TNRC6B: variants seen among roughly 807,000 people sequenced by gnomAD.
The protein encoded by TNRC6B is trinucleotide repeat containing adaptor 6B, also known as trinucleotide repeat-containing gene 6B protein.
In TNRC6B, 52 loss-of-function variants were observed where a neutral mutation model predicts 203.6. The ratio of observed to expected loss-of-function variants is 0.26; its 90% CI spans 0.20 to 0.32. The LOEUF (loss-of-function observed/expected upper bound fraction) is 0.32, where lower values mean the gene tolerates loss of function less well. Among genes scored for constraint, TNRC6B ranks in the 10% least tolerant of loss-of-function variants. The pLI is 1.00. For synonymous variants in TNRC6B, 838 were observed against 845.7 expected (o/e 0.99, Z 0.16); for missense variants, 1,923 against 2,286.2 (o/e 0.84, Z 3.24).
chr22:40,209,517 A>G (rs2069531232), intron 1 of TNRC6B, among the ~76,000 whole-genome samples: 2 of 152,322 alleles, frequency 1.3e-5, no homozygotes, highest in East Asian at 1.9e-4. Context: ...ACCTCGGTTC[A>G]GGACATGGTG....
At chr22:40,130,286 T>C (rs1266501792) in intron 3 of TNRC6B, among the ~76,000 whole-genome samples, 2 of 152,116 alleles carry the variant, frequency 1.3e-5, no homozygotes, top group Non-Finnish European at 2.9e-5. Context: ...CTGACTCTTG[T>C]TTAATGGCGG....
At chr22:40,222,726 CTCTTTTTTTTTTTTT>C (rs1569027054) in intron 1 of TNRC6B, among the ~76,000 whole-genome samples, 1 of 79,072 alleles carries the variant, frequency 1.3e-5, no homozygotes, top group African/African-American at 4.6e-5. Flanking sequence ...CTCTCTCTCT[CTCTTTTTTTTTTTTT>C]TTTTTTTTTT....
Position 40,065,287 on chromosome 22 carries a change from C to G in TNRC6B, c.-121+20289C>G, listed in dbSNP as rs139861550. 7.4e-3 allele frequency among the ~76,000 whole-genome samples: 1,120 copies of G among 152,140 alleles called. 50 individuals are homozygous for G. The highest frequency in any genetic ancestry group is 0.063 in the Admixed American group (962 of 15,282). On this transcript the variant is annotated intron_variant, in intron 1 of 23. Coordinates refer to the TNRC6B transcript ENST00000301923. ...TCAGCCTTCTGAGTAGCTAAGACTA[C>G]AGGTGTGTACCACCACACCCAGCTA...
intron 1 of TNRC6B, among the ~76,000 whole-genome samples, chr22:40,219,779 C>G (rs773816537): frequency 6.6e-6 from 1 of 152,202 alleles, no homozygotes; most frequent in African/African-American, 2.4e-5. Flanking sequence ...TCCCCGTCCT[C>G]TCTACATTCT....
At chr22:40,244,195 GT>G (rs2070072174) in intron 1 of TNRC6B, among the ~76,000 whole-genome samples, 1 of 152,164 alleles carries the variant, frequency 6.6e-6, no homozygotes, top group Non-Finnish European at 1.5e-5. Context: ...TCTTACCAGT[GT>G]TTGTAAATCC....
chr22:40,179,323 C>A (rs954107682), intron 1 of TNRC6B, among the ~76,000 whole-genome samples: 1 of 152,028 alleles, frequency 6.6e-6, no homozygotes, highest in East Asian at 1.9e-4. Context: ...TGTGATGTGG[C>A]GGGTAAATTG....
intron 1 of TNRC6B, among the ~76,000 whole-genome samples, chr22:40,058,622 G>T (rs941618027): frequency 6.6e-6 from 1 of 152,154 alleles, no homozygotes; most frequent in Non-Finnish European, 1.5e-5. Context: ...CAGACCTTGG[G>T]CTTATCATTC....
At position 40,315,480 on chromosome 22, in the gene TNRC6B, G is replaced by A. The variant is rs2071245081; in HGVS notation, c.4876G>A (p.Gly1626Arg). 6.2e-7 allele frequency: 1 copy of A among 1,613,978 alleles called. No individual in the cohort carries two copies. The highest frequency in any genetic ancestry group is 8.5e-7 in the Non-Finnish European group (1 of 1,179,892). The change falls in exon 20 of 23, where the codon GGG (glycine) becomes AGG (arginine). Residue 1626 changes from glycine to arginine, a missense_variant. Gly to Arg is a moderately radical substitution (Grantham distance 125). Around this residue, in one of 8 missense-constraint regions of TNRC6B, gnomAD observed 159 missense variants for 181.0 expected, o/e 0.88. Transcript: ENST00000454349. ...STAPRSVRGW[G>R]TQDSRLASAS... is the part of the protein sequence containing the mutation. ...AGCACCCCGATCAGTCAGGGGGTGG[G>A]GGACACAGGACTCACGGCTCGCCTC...
intron 3 of TNRC6B, among the ~76,000 whole-genome samples, chr22:40,253,436 A>G (rs911939163): frequency 6.6e-6 from 1 of 151,776 alleles, no homozygotes; most frequent in Non-Finnish European, 1.5e-5. Flanking sequence ...TACCAGACCT[A>G]TTCTCAAACA....
At chr22:40,133,541 G>T (rs906856911) in intron 3 of TNRC6B, among the ~76,000 whole-genome samples, 13 of 152,132 alleles carry the variant, frequency 8.5e-5, no homozygotes, top group African/African-American at 3.1e-4. Flanking sequence ...CTTTCTGGAA[G>T]GAAGTCCACA....
At chr22:40,060,319 C>CA (rs2067839298) in intron 1 of TNRC6B, among the ~76,000 whole-genome samples, 1 of 151,950 alleles carries the variant, frequency 6.6e-6, no homozygotes, top group African/African-American at 2.4e-5. Flanking sequence ...TTCCTGAGTT[C>CA]AGGTGTGTGC....
intron 3 of TNRC6B, among the ~76,000 whole-genome samples, chr22:40,153,744 A>G (rs1360754158): frequency 6.6e-6 from 1 of 151,664 alleles, no homozygotes; most frequent in Admixed American, 6.6e-5. Flanking sequence ...GGAAGGGAGG[A>G]TGGAGGCTTA....
At chr22:40,168,080 GT>G (rs2068937009) in intron 4 of TNRC6B, among the ~76,000 whole-genome samples, 3 of 152,060 alleles carry the variant, frequency 2.0e-5, no homozygotes, top group Non-Finnish European at 4.4e-5. Context: ...TTTCAAACTG[GT>G]CTCTCTTAGA....
chr22:40,202,265 T>TG (rs1569019051), intron 1 of TNRC6B, among the ~76,000 whole-genome samples: 50 of 151,774 alleles, frequency 3.3e-4, no homozygotes, highest in African/African-American at 8.2e-4. Context: ...TTTTTGTTTT[T>TG]TTTTTTTTTG....
intron 4 of TNRC6B, among the ~76,000 whole-genome samples, chr22:40,171,087 T>A (rs1335329556): frequency 6.7e-6 from 1 of 149,560 alleles, no homozygotes; most frequent in Non-Finnish European, 1.5e-5. Flanking sequence ...TGTTTATATA[T>A]ATGTATGTAT....
In TNRC6B at chr22:40,301,248, G is replaced by T. The variant is rs375120667; in HGVS notation, c.4035G>T (p.Pro1345=). 2.5e-6 allele frequency: 4 copies of T among 1,571,446 alleles called. No individual in the cohort carries two copies. Among genetic ancestry groups the T allele is most frequent in the Middle Eastern group, 1.7e-4 (1 of 6,040 alleles). The change falls in exon 15 of 23, where the codon CCG becomes CCT. Residue 1345 remains proline, a synonymous_variant. Transcript: ENST00000454349. The part of the protein sequence containing the change: ...HSPSHPVGPK[P]HLDNMVPNAL... ...CCTCTCATCCTGTTGGGCCCAAGCCGCATCTGGACAACATGGTACCCAACG... is the reference window on the plus strand; with the variant it reads ...CCTCTCATCCTGTTGGGCCCAAGCCTCATCTGGACAACATGGTACCCAACG...
intron 1 of TNRC6B, among the ~76,000 whole-genome samples, chr22:40,073,163 T>TTC (rs1225498451): frequency 1.3e-5 from 2 of 148,978 alleles, no homozygotes; most frequent in African/African-American, 2.5e-5. Flanking sequence ...TTTTTTTTTT[T>TTC]TCCAATCCTT....
At chr22:40,062,623 C>T (rs935243376) in intron 1 of TNRC6B, among the ~76,000 whole-genome samples, 6 of 152,174 alleles carry the variant, frequency 3.9e-5, no homozygotes, top group Admixed American at 3.9e-4. Flanking sequence ...CCAGTTTCTC[C>T]AGATCCTTTT....
At chr22:40,198,618 T>C (rs1286522578) in intron 1 of TNRC6B, among the ~76,000 whole-genome samples, 1 of 152,068 alleles carries the variant, frequency 6.6e-6, no homozygotes, top group Non-Finnish European at 1.5e-5. Context: ...TTCAGGATAA[T>C]GGCCCCCAGC....
Sources: gnomAD v4.1 joint callset for allele counts (sites outside exome capture counted in the v4.1 genomes callset) on GRCh38, gnomAD v4.1.1 for gene constraint, gnomAD v4.1.1 regional missense constraint, MANE v1.5 for transcripts, NCBI Gene and HGNC (gene_info 2026-07-23, HGNC 2026-07-21) for gene names.